UGT1A8: variants seen among roughly 807,000 people sequenced by gnomAD.
UGT1A8 encodes UDP-glucuronosyltransferase 1A8.
UGT1A8 carries 39 observed loss-of-function variants against 45.3 expected under a neutral mutation model. The ratio of observed to expected loss-of-function variants is 0.86; its 90% confidence interval spans 0.67 to 1.12. UGT1A8 has a LOEUF of 1.12. Ranked by LOEUF, UGT1A8 falls within the 50% of genes most tolerant of loss-of-function variation. The probability of loss-of-function intolerance (pLI) is 0.00; values close to 1 mark genes in which losing one functional copy is unlikely to be tolerated. For synonymous variants in UGT1A8, 275 were observed against 249.2 expected (o/e 1.10, Z -0.97); for missense variants, 719 against 664.9 (o/e 1.08, Z -0.90).
At chr2:233,710,745 A>G (rs182447991) in intron 1 of UGT1A8, among the ~76,000 whole-genome samples, 230 of 152,356 alleles carry the variant, frequency 1.5e-3, no homozygotes, top group African/African-American at 5.5e-3. Context: ...TCAAGGAGCA[A>G]AAGTTGCAAG....
chr2:233,649,100 G>T, intron 1 of UGT1A8: 1 of 805,528 alleles, frequency 1.2e-6, no homozygotes, highest in Admixed American at 3.0e-5. Context: ...TACGGAACTG[G>T]GATTTGACAT....
chr2:233,674,673 G>A (rs1167062952), intron 1 of UGT1A8, among the ~76,000 whole-genome samples: 1 of 152,122 alleles, frequency 6.6e-6, no homozygotes, highest in African/African-American at 2.4e-5. Flanking sequence ...AAATAAATGT[G>A]TTTATGTGTC....
chr2:233,750,351 C>G (rs148166585), intron 1 of UGT1A8, among the ~76,000 whole-genome samples: 13 of 151,972 alleles, frequency 8.6e-5, no homozygotes, highest in African/African-American at 2.4e-4. Context: ...GAAATTGGAA[C>G]TTATGTTTAA....
intron 1 of UGT1A8, among the ~76,000 whole-genome samples, chr2:233,706,755 G>A (rs1452433367): frequency 1.3e-5 from 2 of 152,148 alleles, no homozygotes; most frequent in East Asian, 1.9e-4. Context: ...GCAGAGTGCC[G>A]TACACTGGTA....
Position 233,673,230 on chromosome 2 carries a change from G to C in UGT1A8, c.855+54668G>C, listed in dbSNP as rs773619117. ...TTTGTTAAAATAAAATCTAGTATTG[G>C]GCTGGACATATTCTTCTTTTCTTTG... On this transcript the variant is annotated intron_variant, in intron 1 of 4. Transcript: ENST00000373450. Among the ~76,000 whole-genome samples the C allele has an allele frequency of 3.3e-5, 5 of 151,878 alleles. No individual in the cohort carries two copies. In the South Asian group the frequency reaches 6.2e-4, roughly 19 times the overall value.
chr2:233,743,634 C>T (rs776464072), intron 1 of UGT1A8: 4 of 1,367,180 alleles, frequency 2.9e-6, no homozygotes, highest in Non-Finnish European at 2.0e-6. Flanking sequence ...TCGGCTGGGT[C>T]GCGGAAGCTG....
At chr2:233,718,119 C>T (rs2076631088) in intron 1 of UGT1A8, 1 of 304,720 alleles carries the variant, frequency 3.3e-6, no homozygotes, top group Non-Finnish European at 6.6e-6. Context: ...CCTCTTATTC[C>T]ATGGTGTAGA....
intron 1 of UGT1A8, among the ~76,000 whole-genome samples, chr2:233,740,113 T>C (rs1443736417): frequency 6.6e-6 from 1 of 151,884 alleles, no homozygotes. Flanking sequence ...CCTTTGCTTA[T>C]CTCTCACCTT....
intron 1 of UGT1A8, chr2:233,693,086 A>G (rs571652417): frequency 6.2e-7 from 1 of 1,614,176 alleles, no homozygotes; most frequent in South Asian, 1.1e-5. Flanking sequence ...TGTAGGTGAC[A>G]AGCTGCTGGT....
rs750178604 is a variant in UGT1A8 at position 233,693,312 on chromosome 2, C to A, written c.856-73722C>A. The A allele has an allele frequency of 2.6e-5, 42 of 1,614,058 alleles. No homozygotes were observed. In the East Asian group the frequency reaches 8.7e-4, roughly 33 times the overall value. On this transcript the variant is annotated intron_variant, in intron 1 of 4. Transcript: ENST00000373450. The stretch of plus-strand genomic sequence containing the variant: ...GGAAACAATCACTTTGCTGAGCGAT[C>A]ATTCCTAACTGCTCCTCAGACAGAG...
intron 1 of UGT1A8, among the ~76,000 whole-genome samples, chr2:233,764,017 G>T (rs3771342): frequency 0.13 from 19,852 of 152,188 alleles, 1,421 homozygotes; most frequent in East Asian, 0.2. Flanking sequence ...GACCCACATG[G>T]TGTCTAAGTG....
Position 233,696,288 on chromosome 2 carries a change from G to A in UGT1A8, c.856-70746G>A, listed in dbSNP as rs2075336055. Among the ~76,000 whole-genome samples, 4 of 152,290 alleles carry A rather than the reference G, an allele frequency of 2.6e-5. No individual in the cohort carries two copies. In the South Asian group the frequency reaches 8.3e-4, roughly 32 times the overall value. On this transcript the variant is annotated intron_variant, in intron 1 of 4. Transcript: ENST00000373450. ...GAATGGATAAAGAAAACGTAGGACTGTAATATCGTGAAATATATATTTGGT... is the reference window on the plus strand; with the variant it reads ...GAATGGATAAAGAAAACGTAGGACTATAATATCGTGAAATATATATTTGGT...
At chr2:233,756,818 C>T (rs1022493170) in intron 1 of UGT1A8, among the ~76,000 whole-genome samples, 38 of 151,930 alleles carry the variant, frequency 2.5e-4, no homozygotes, top group Admixed American at 5.2e-4. Flanking sequence ...CACTCAATTC[C>T]AAGGGGAAAA....
intron 1 of UGT1A8, chr2:233,729,145 G>T (rs564123639): frequency 1.9e-6 from 3 of 1,613,372 alleles, no homozygotes; most frequent in Non-Finnish European, 2.5e-6. Flanking sequence ...AGGACTCCAG[G>T]TTCCCCTGCC....
At chr2:233,772,160 G>A in intron 4 of UGT1A8, 102 bp from the exon 5 acceptor site, 1 of 1,565,444 alleles carries the variant, frequency 6.4e-7, no homozygotes, top group Non-Finnish European at 8.7e-7. Flanking sequence ...CCTTTCCCAA[G>A]TTTGGAAAAT....
chr2:233,646,478 A>G (rs2073607167), intron 1 of UGT1A8, among the ~76,000 whole-genome samples: 1 of 152,100 alleles, frequency 6.6e-6, no homozygotes, highest in South Asian at 2.1e-4. Context: ...TCCCTTTTAA[A>G]ACTGAATGCC....
chr2:233,691,717 G>A, intron 1 of UGT1A8: 1 of 899,256 alleles, frequency 1.1e-6, no homozygotes. Flanking sequence ...CCTGGCAGAT[G>A]GGTGGCTGGG....
Position 233,739,281 on chromosome 2 carries a change from G to C in UGT1A8, c.856-27753G>C, listed in dbSNP as rs576910081. Among the ~76,000 whole-genome samples the C allele has an allele frequency of 5.3e-5, 8 of 152,344 alleles. 1 individual carries two copies. The South Asian group carries it at 1.7e-3, about 32-fold the overall frequency. On this transcript the variant is annotated intron_variant, in intron 1 of 4. Transcript: ENST00000373450. ...AATGTGAGGTTGGAGCCCCCACACA[G>C]AGTCTCCACTGGGGCACTGCCTAGT...
chr2:233,718,839 G>A, intron 1 of UGT1A8: 1 of 1,613,658 alleles, frequency 6.2e-7, no homozygotes, highest in Non-Finnish European at 8.5e-7. Context: ...AGGACTCCAG[G>A]TTCCCCTGCC....
Sources: allele counts gnomAD v4.1 joint callset (sites outside exome capture counted in the v4.1 genomes callset), GRCh38; gene constraint gnomAD v4.1.1; transcripts MANE v1.5; gene names NCBI Gene and HGNC (gene_info 2026-07-23, HGNC 2026-07-21).